CLVS2: variants seen among roughly 807,000 people sequenced by gnomAD.
The protein encoded by CLVS2 is clavesin 2.
A neutral mutation model predicts 29.0 loss-of-function variants in CLVS2; 19 were observed. That is an observed-to-expected ratio of 0.66 (90% CI 0.46 to 0.96). The LOEUF is 0.96. CLVS2 is among the 40% of genes least tolerant of loss of function. The pLI, the probability that CLVS2 is intolerant of heterozygous loss-of-function variation, is 0.00. For synonymous variants in CLVS2, 161 were observed against 151.3 expected (o/e 1.06, Z -0.47); for missense variants, 294 against 404.1 (o/e 0.73, Z 2.34).
intron 4 of CLVS2, among the ~76,000 whole-genome samples, chr6:123,051,038 C>T (rs1772603036): frequency 6.6e-6 from 1 of 152,002 alleles, no homozygotes; most frequent in East Asian, 1.9e-4. Flanking sequence ...TATTTAAATA[C>T]TTTAAATTTC....
intron 3 of CLVS2, among the ~76,000 whole-genome samples, chr6:123,028,926 T>C (rs1775043148): frequency 6.6e-6 from 1 of 152,134 alleles, no homozygotes; most frequent in Admixed American, 6.6e-5. Flanking sequence ...AGGCAGAAAC[T>C]CTAATCCCCA....
At chr6:123,010,060 T>C (rs112643014) in intron 2 of CLVS2, among the ~76,000 whole-genome samples, 5 of 152,194 alleles carry the variant, frequency 3.3e-5, no homozygotes, top group African/African-American at 7.2e-5. Flanking sequence ...GCATTATTGA[T>C]ATTGATTAAA....
chr6:123,011,748 C>T (rs1774751146), intron 3 of CLVS2, among the ~76,000 whole-genome samples: 1 of 152,014 alleles, frequency 6.6e-6, no homozygotes, highest in Non-Finnish European at 1.5e-5. Flanking sequence ...AGATGGGAAA[C>T]ATATTATTAT....
intron 3 of CLVS2, among the ~76,000 whole-genome samples, chr6:123,047,295 C>A (rs964652199): frequency 6.6e-6 from 1 of 151,718 alleles, no homozygotes; most frequent in Admixed American, 6.6e-5. Context: ...TATACTATGC[C>A]TGTATTCAGA....
chr6:123,062,809 G>A (rs1751740459), intron 5 of CLVS2, among the ~76,000 whole-genome samples: 1 of 152,226 alleles, frequency 6.6e-6, no homozygotes, highest in Non-Finnish European at 1.5e-5. Flanking sequence ...TGCAGCAGCA[G>A]GGGAAGAATT....
At position 123,056,029 on chromosome 6, in the gene CLVS2, A is replaced by G; in HGVS notation, c.896+3A>G. On this transcript the variant is annotated splice_donor_region_variant and intron_variant, in intron 5 of 5. Transcript: ENST00000275162. ...CTCTCCCCAAAGTCCATGAAGAGGT[A>G]TGCTGGAGGTAGACTGGGGAGTGGG... 2 of 1,605,690 alleles carry G rather than the reference A, an allele frequency of 1.2e-6. No homozygotes were observed. The highest frequency in any genetic ancestry group is 1.1e-5 in the South Asian group (1 of 90,444).
intron 2 of CLVS2, among the ~76,000 whole-genome samples, chr6:123,002,421 T>C (rs1774602151): frequency 6.6e-6 from 1 of 152,124 alleles, no homozygotes; most frequent in Non-Finnish European, 1.5e-5. Flanking sequence ...TGTGGTTCAG[T>C]TTGAATTATG....
At chr6:123,029,741 C>T (rs1464826381) in intron 3 of CLVS2, among the ~76,000 whole-genome samples, 2 of 152,086 alleles carry the variant, frequency 1.3e-5, no homozygotes, top group East Asian at 3.9e-4. Flanking sequence ...TCTAGCATCC[C>T]TATGATAAAG....
At chr6:123,004,969 T>G (rs1774646264) in intron 2 of CLVS2, among the ~76,000 whole-genome samples, 1 of 150,678 alleles carries the variant, frequency 6.6e-6, no homozygotes, top group Admixed American at 6.6e-5. Flanking sequence ...AAAAAACCAA[T>G]TATCTATTCA....
intron 4 of CLVS2, among the ~76,000 whole-genome samples, chr6:123,050,927 G>A (rs1271594965): frequency 1.3e-5 from 2 of 152,112 alleles, no homozygotes; most frequent in Non-Finnish European, 2.9e-5. Context: ...CTAGAAGCAT[G>A]CACTGCTAGC....
At chr6:123,025,077 G>A (rs1774982001) in intron 3 of CLVS2, among the ~76,000 whole-genome samples, 1 of 152,052 alleles carries the variant, frequency 6.6e-6, no homozygotes, top group Non-Finnish European at 1.5e-5. Context: ...GCAATACCAA[G>A]GGTATAAAAT....
At chr6:123,047,065 A>C (rs895992216) in intron 3 of CLVS2, among the ~76,000 whole-genome samples, 5 of 152,060 alleles carry the variant, frequency 3.3e-5, no homozygotes, top group Non-Finnish European at 7.4e-5. Flanking sequence ...TGGATGCGAG[A>C]CCTCATTCCT....
At chr6:123,021,578 C>G (rs1016507732) in intron 3 of CLVS2, among the ~76,000 whole-genome samples, 1 of 151,598 alleles carries the variant, frequency 6.6e-6, no homozygotes, top group Admixed American at 6.6e-5. Context: ...ATTTTGAGAC[C>G]ATTGTATTAT....
intron 3 of CLVS2, among the ~76,000 whole-genome samples, chr6:123,046,185 T>G (rs1772506770): frequency 6.6e-6 from 1 of 152,162 alleles, no homozygotes; most frequent in Non-Finnish European, 1.5e-5. Context: ...AAGTCAGAGA[T>G]TTCCCTGCTC....
chr6:123,014,373 G>A (rs973436245), intron 3 of CLVS2, among the ~76,000 whole-genome samples: 5 of 151,906 alleles, frequency 3.3e-5, no homozygotes, highest in African/African-American at 9.7e-5. Flanking sequence ...AAGTGACCTG[G>A]CTAGCACCAT....
chr6:123,015,136 A>G (rs1164529956), intron 3 of CLVS2, among the ~76,000 whole-genome samples: 2 of 152,046 alleles, frequency 1.3e-5, no homozygotes, highest in Non-Finnish European at 2.9e-5. Flanking sequence ...AAAACACAGG[A>G]TGAATCTGTA....
intron 2 of CLVS2, among the ~76,000 whole-genome samples, chr6:123,010,195 T>C (rs947606144): frequency 1.3e-5 from 2 of 152,066 alleles, no homozygotes; most frequent in Non-Finnish European, 1.5e-5. Context: ...ATTTGGCTTC[T>C]TATTTTTGTT....
rs1027663142 is a variant in CLVS2, at chr6:123,048,635, C to T, written c.578C>T (p.Ala193Val). Residue 193 changes from alanine (A) to valine (V), a missense_variant, in exon 4 of 6, where the codon GCG becomes GTG. Ala to Val is a moderately conservative substitution (Grantham distance 64). This residue lies in a region of CLVS2 where 212 missense variants were observed against 336.4 expected (regional missense o/e 0.63). Transcript: ENST00000275162. ...AIEGLQDSFP[A>V]RFGGIHFVNQ... ...ATGTTACTCTAGGATAGTTTCCCAGCGCGATTTGGAGGAATTCATTTTGTC... is the reference window on the plus strand; with the variant it reads ...ATGTTACTCTAGGATAGTTTCCCAGTGCGATTTGGAGGAATTCATTTTGTC... 11 of 1,611,266 alleles carry T rather than the reference C, an allele frequency of 6.8e-6. No individual in the cohort carries two copies. The highest frequency in any genetic ancestry group is 2.7e-5 in the African/African-American group (2 of 74,766).
At position 123,007,100 on chromosome 6, in the gene CLVS2, T is replaced by G. The variant is rs1360681189; in HGVS notation, c.390-3885T>G. 4.6e-5 allele frequency among the ~76,000 whole-genome samples: 7 copies of G among 152,366 alleles called. No homozygotes were observed. The East Asian group carries it at 1.3e-3, about 29-fold the overall frequency. On this transcript the variant is annotated intron_variant, in intron 2 of 5. Transcript: ENST00000275162. The stretch of plus-strand genomic sequence containing the variant: ...TTACATATATTATTTTGTTTCATTT[T>G]GTCCTCACAATAATTCTATGAAGTT...
Sources: allele counts gnomAD v4.1 joint callset (sites outside exome capture counted in the v4.1 genomes callset), GRCh38; gene constraint gnomAD v4.1.1; regional missense constraint gnomAD v4.1.1; transcripts MANE v1.5; gene names NCBI Gene and HGNC (gene_info 2026-07-23, HGNC 2026-07-21).